NEB: variants seen among roughly 807,000 people sequenced by gnomAD.
NEB encodes the protein nebulin, also known as nemaline myopathy type 2.
NEB carries 512 observed loss-of-function variants against 952.2 expected under a neutral mutation model. The ratio of observed to expected loss-of-function variants is 0.54; its 90% CI spans 0.50 to 0.58. NEB has a LOEUF of 0.58. Ranked by LOEUF, NEB falls within the 20% of genes least tolerant of loss-of-function variation. The pLI, the probability that NEB is intolerant of heterozygous loss-of-function variation, is 0.00. For missense variants in NEB, 8,428 were observed against 9,231.1 expected, an observed-to-expected ratio of 0.91 and a Z score of 3.56; for synonymous variants, 2,900 against 3,149.8, an observed-to-expected ratio of 0.92 and a Z score of 2.66.
In NEB at chr2:151,629,590, A is replaced by C. The variant is rs1368453705; in HGVS notation, c.9780T>G (p.Ser3260Arg). 6.2e-7 allele frequency: 1 copy of C among 1,613,858 alleles called. No individual in the cohort carries two copies. The highest frequency in any genetic ancestry group is 1.1e-5 in the South Asian group (1 of 91,084). Reference protein sequence around the residue: ...EAKKKGYDLRSDAIPIVAAKA... With the variant: ...EAKKKGYDLRRDAIPIVAAKA... ...TGGCAGCCACGATGGGGATGGCGTCACTTCGCAAGTCGTAGCCTTTCTTTT... is the reference window on the plus strand; with the variant it reads ...TGGCAGCCACGATGGGGATGGCGTCCCTTCGCAAGTCGTAGCCTTTCTTTT... Residue 3260 changes from serine to arginine, a missense_variant, in exon 68 of 182, where the codon AGT becomes AGG. By Grantham distance (110) the Ser-to-Arg change is moderately radical (BLOSUM62 -1). This residue lies in a region of NEB where 1,772 missense variants were observed against 1,960.3 expected (regional missense o/e 0.90). Transcript: ENST00000397345.
chr2:151,620,621 T>C (rs1435971182), intron 72 of NEB, among the ~76,000 whole-genome samples: 6 of 151,922 alleles, frequency 3.9e-5, no homozygotes, highest in Non-Finnish European at 7.4e-5. Context: ...TTGAGTGTGT[T>C]CCAAGGAAGT....
chr2:151,537,919 G>A lies in NEB; in HGVS notation c.21055C>T (p.Arg7019Cys), dbSNP rs751870182. 17 of 1,613,022 alleles carry A rather than the reference G, an allele frequency of 1.1e-5. No homozygotes were observed. In the East Asian group the frequency reaches 1.1e-4, roughly 11 times the overall value. The part of the protein sequence containing the change: ...QLGIWRSIPD[R>C]PEHFHHRAVT... Reference sequence around the variant, plus strand: ...GCTCGGTGGTGGAAATGCTCTGGACGATCAGGAATGGACCTCCAGATACCC... The same window carrying A: ...GCTCGGTGGTGGAAATGCTCTGGACAATCAGGAATGGACCTCCAGATACCC... Residue 7019 changes from arginine to cysteine, a missense_variant, in exon 140 of 182, where the codon CGT becomes TGT. Physicochemically the swap from Arg to Cys is radical, Grantham distance 180 (BLOSUM62 -3). This residue lies in a region of NEB where 3,374 missense variants were observed against 3,651.5 expected (regional missense o/e 0.92). Transcript: ENST00000397345.
At chr2:151,620,897 T>C in intron 72 of NEB, 22 bp downstream of exon 72, 1 of 1,563,312 alleles carries the variant, frequency 6.4e-7, no homozygotes, top group South Asian at 1.1e-5. Flanking sequence ...GTAAGAAATG[T>C]TAGGACTTGA....
rs115480336 is a variant in NEB at position 151,552,585 on chromosome 2, C to G, written c.19836+87G>C. The G allele has an allele frequency of 2.0e-3, 1,734 of 854,474 alleles. 20 individuals are homozygous for G. The African/African-American group carries it at 0.025, about 12-fold the overall frequency. 52.9% of individuals were successfully genotyped at this position (854,474 alleles called of 1,614,324 possible). A position where few individuals can be genotyped will look rare whatever the true frequency, so the allele number is the denominator to read the frequency against. ...TTTCCCAGTTAGAAAAGACTTGGCA[C>G]TGCCCAGTCTATGGTTTTTGCCACC... On this transcript the variant is annotated intron_variant, in intron 128 of 181. Coordinates refer to ENST00000397345, the MANE Select transcript of NEB (RefSeq NM_001164508.2).
rs2092301481 is a variant in NEB at position 151,533,468 on chromosome 2, G to C, written c.21391C>G (p.Leu7131Val). 1.9e-6 allele frequency: 3 copies of C among 1,551,214 alleles called. No individual in the cohort carries two copies. The highest frequency in any genetic ancestry group is 1.4e-5 in the African/African-American group (1 of 73,034). ...EILRPDMLTALYNSHMWSQIK... is the reference protein window; with the variant it reads ...EILRPDMLTAVYNSHMWSQIK... ...TGGCTCCACATATGCGAATTGTAGA[G>C]AGCAGTCAACATATCTGGACGCAGA... Residue 7131 changes from leucine to valine, a missense_variant, in exon 143 of 182, where the codon CTC (leucine) becomes GTC (valine). By Grantham distance (32) the Leu-to-Val change is conservative (BLOSUM62 1). This residue lies in a region of NEB where 3,374 missense variants were observed against 3,651.5 expected (regional missense o/e 0.92). Coordinates refer to ENST00000397345, the MANE Select transcript of NEB (RefSeq NM_001164508.2).
At position 151,565,766 on chromosome 2, in the gene NEB, C is replaced by G. The variant is rs1400303199; in HGVS notation, c.18211G>C (p.Asp6071His). ...WLRGIGWIPL[D>H]SVDHVRVTKN... ...GTAACCCTTACATGGTCCACAGAAT[C>G]CAGTGGGATCCAGCCAATGCCTCGG... Residue 6071 changes from aspartate to histidine, a missense_variant, in exon 115 of 182, where the codon GAT becomes CAT. Physicochemically the swap from Asp to His is moderately conservative, Grantham distance 81. This residue lies in a region of NEB where 3,374 missense variants were observed against 3,651.5 expected (regional missense o/e 0.92). Coordinates refer to ENST00000397345, the MANE Select transcript of NEB (RefSeq NM_001164508.2). 1.2e-6 allele frequency: 2 copies of G among 1,612,464 alleles called. No individual in the cohort carries two copies. Among genetic ancestry groups the G allele is most frequent in the Non-Finnish European group, 1.7e-6 (2 of 1,179,286 alleles).
chr2:151,644,609 T>G (rs751774625), intron 55 of NEB, 34 bp from the exon 56 acceptor site: 3 of 1,521,462 alleles, frequency 2.0e-6, no homozygotes, highest in Non-Finnish European at 2.7e-6. Flanking sequence ...TGGGAAATAC[T>G]GTTCCCCATA....
At chr2:151,548,173 G>T in intron 131 of NEB, 135 bp downstream of exon 131, 1 of 731,836 alleles carries the variant, frequency 1.4e-6, no homozygotes, top group South Asian at 1.8e-5. Context: ...ATCAAAATGT[G>T]ACAATAAGGA....
In NEB at chr2:151,493,767, T is replaced by TA. The variant is rs750437206; in HGVS notation, c.24672+7dup. The TA allele has an allele frequency of 5.2e-6, 8 of 1,536,868 alleles. No individual in the cohort carries two copies. Among genetic ancestry groups the TA allele is most frequent in the Non-Finnish European group, 7.1e-6 (8 of 1,127,342 alleles). On this transcript the variant is annotated splice_region_variant and intron_variant, in intron 175 of 181. Transcript: ENST00000397345. ...ATTTTAAGGATTTATTTTTCCTTTC[T>TA]AAAATACCGAGCTAAAGTTTTCTTG...
rs2098550534 is a variant in NEB, at chr2:151,627,595, C to T, written c.10071G>A (p.Leu3357=). 2 of 1,613,912 alleles carry T rather than the reference C, an allele frequency of 1.2e-6. No homozygotes were observed. The highest frequency in any genetic ancestry group is 1.7e-6 in the Non-Finnish European group (2 of 1,179,908). ...LVSDVDYKNY[L]HEWTCLPDQN... ...GGTCGGGCAGGCACGTCCACTCGTG[C>T]AGGTAGTTCTTGTAGTCCACATCGC... Residue 3357 remains leucine, a synonymous_variant, in exon 69 of 182, where the codon CTG becomes CTA. Transcript: ENST00000397345.
rs748402585 is a variant in NEB, at chr2:151,492,507, A to G, written c.24766-13T>C. 2 of 1,581,070 alleles carry G rather than the reference A, an allele frequency of 1.3e-6. No homozygotes were observed. The highest frequency in any genetic ancestry group is 2.2e-5 in the South Asian group (2 of 90,132). ...CAGAATAAAGAACCTGATGCAGGAG[A>G]GACCGTGAATGAGTGGTGCTGTCCT... On this transcript the variant is annotated splice_polypyrimidine_tract_variant and intron_variant, in intron 176 of 181. Coordinates refer to ENST00000397345, the MANE Select transcript of NEB (RefSeq NM_001164508.2).
At position 151,655,255 on chromosome 2, in the gene NEB, T is replaced by A; in HGVS notation, c.6807+15A>T. 1 of 1,410,840 alleles carries A rather than the reference T, an allele frequency of 7.1e-7. No individual in the cohort carries two copies. The highest frequency in any genetic ancestry group is 9.8e-7 in the Non-Finnish European group (1 of 1,022,694). The allele number at this position is 1,410,840 out of a possible 1,614,324, so 87.4% of individuals were successfully genotyped here. A position where few individuals can be genotyped will look rare whatever the true frequency, so the allele number is the denominator to read the frequency against. On this transcript the variant is annotated intron_variant, in intron 51 of 181. Transcript: ENST00000397345. ...TTCAATACAAAACTTAAAATTAATTTTTATATAAATTTACCTGACTATACA... is the reference window on the plus strand; with the variant it reads ...TTCAATACAAAACTTAAAATTAATTATTATATAAATTTACCTGACTATACA...
chr2:151,611,587 T>C (rs1289124944), intron 78 of NEB, among the ~76,000 whole-genome samples: 1 of 152,156 alleles, frequency 6.6e-6, no homozygotes, highest in African/African-American at 2.4e-5. Flanking sequence ...TTCAAATCAG[T>C]CTAAAATATG....
intron 52 of NEB, among the ~76,000 whole-genome samples, chr2:151,653,437 T>G (rs142820583): frequency 2.6e-5 from 4 of 152,164 alleles, no homozygotes; most frequent in African/African-American, 9.7e-5. Context: ...GAACTTTAGA[T>G]TGGATTTTCA....
rs1247299770 is a variant in NEB at position 151,490,001 on chromosome 2, A to G, written c.25374T>C (p.Ser8458=). 6.2e-7 allele frequency: 1 copy of G among 1,611,456 alleles called. No homozygotes were observed. Among genetic ancestry groups the G allele is most frequent in the Non-Finnish European group, 8.5e-7 (1 of 1,177,718 alleles). Residue 8458 remains serine (S), a synonymous_variant, in exon 181 of 182, where the codon TCT becomes TCC. Coordinates refer to ENST00000397345, the MANE Select transcript of NEB (RefSeq NM_001164508.2). ...SSVATQQTTV[S]SIPSHPSTAG... Reference sequence around the variant, plus strand: ...CAGTAGATGGATGAGATGGGATGGAAGATACCGTTGTCTGTTGGGTAGCAA... The same window carrying G: ...CAGTAGATGGATGAGATGGGATGGAGGATACCGTTGTCTGTTGGGTAGCAA...
chr2:151,647,336 C>CT (rs1402734715), intron 54 of NEB, among the ~76,000 whole-genome samples: 1 of 152,056 alleles, frequency 6.6e-6, no homozygotes, highest in Non-Finnish European at 1.5e-5. Flanking sequence ...TCTCGAACTC[C>CT]TGATCGCAGG....
At chr2:151,562,059 A>C in intron 121 of NEB, 51 bp downstream of exon 121, 2 of 1,448,752 alleles carry the variant, frequency 1.4e-6, no homozygotes. Flanking sequence ...TGACACCACC[A>C]TGGATTCTGA....
intron 73 of NEB, 50 bp downstream of exon 73, chr2:151,619,401 A>T: frequency 6.6e-7 from 1 of 1,515,224 alleles, no homozygotes; most frequent in Non-Finnish European, 8.9e-7. Context: ...ACTCACAGAC[A>T]CGTTTCAGAT....
intron 4 of NEB, among the ~76,000 whole-genome samples, chr2:151,728,133 C>G (rs1282992659): frequency 1.3e-5 from 2 of 152,200 alleles, no homozygotes; most frequent in Non-Finnish European, 2.9e-5. Context: ...AAAAAGTTTA[C>G]TCCTTATTAC....
Sources: gnomAD v4.1 joint callset for allele counts (sites outside exome capture counted in the v4.1 genomes callset) on GRCh38, gnomAD v4.1.1 for gene constraint, gnomAD v4.1.1 regional missense constraint, MANE v1.5 for transcripts, NCBI Gene and HGNC (gene_info 2026-07-23, HGNC 2026-07-21) for gene names.